The following ARL13B variants were observed in gnomAD, a reference collection of about 807,000 sequenced individuals.
The protein encoded by ARL13B is ADP-ribosylation factor-like protein 13B.
In ARL13B, 36 loss-of-function variants were observed where a neutral mutation model predicts 56.1. The observed-to-expected ratio is 0.64, with a 90% CI of 0.49 to 0.85. The LOEUF is 0.85. Ranked by LOEUF, ARL13B falls within the 40% of genes least tolerant of loss-of-function variation. ARL13B has a pLI of 0.00. For missense variants in ARL13B, 519 were observed against 507.1 expected, an observed-to-expected ratio of 1.02 and a Z score of -0.23; for synonymous variants, 178 against 171.1, an observed-to-expected ratio of 1.04 and a Z score of -0.32.
Position 93,995,855 on chromosome 3 carries a change from A to C in ARL13B, c.60-19A>C, listed in dbSNP as rs1339124703. On this transcript the variant is annotated intron_variant, in intron 1 of 9. Transcript: ENST00000394222. The stretch of plus-strand genomic sequence containing the variant: ...TAAATTAACAAAGAAAGTGATTTTT[A>C]AATTTCTATTATTTTAAGAAAGGTG... The C allele has an allele frequency of 1.3e-6, 2 of 1,593,228 alleles. No homozygotes were observed. The highest frequency in any genetic ancestry group is 1.7e-6 in the Non-Finnish European group (2 of 1,166,942).
At chr3:94,019,138 A>G (rs1005254395) in intron 3 of ARL13B, among the ~76,000 whole-genome samples, 5 of 151,834 alleles carry the variant, frequency 3.3e-5, no homozygotes, top group Non-Finnish European at 7.4e-5. Flanking sequence ...ATCTCTTTCA[A>G]AATGTATTTG....
chr3:94,015,013 C>T, intron 3 of ARL13B: 1 of 1,614,036 alleles, frequency 6.2e-7, no homozygotes, highest in South Asian at 1.1e-5. Flanking sequence ...CTTAAGTAGA[C>T]TAAACCTTCT....
At chr3:94,019,842 G>T (rs1285076974) in intron 3 of ARL13B, among the ~76,000 whole-genome samples, 1 of 152,262 alleles carries the variant, frequency 6.6e-6, no homozygotes, top group African/African-American at 2.4e-5. Flanking sequence ...TGGCTTTAGG[G>T]CCTTGGCACT....
chr3:94,045,447 T>TAAAA (rs1047984463), intron 7 of ARL13B, among the ~76,000 whole-genome samples: 4 of 73,566 alleles, frequency 5.4e-5, no homozygotes, highest in Non-Finnish European at 1.2e-4. Flanking sequence ...CAATAAATAC[T>TAAAA]AAAAAAAAAA....
At chr3:93,984,582 T>C (rs1710361306) in intron 1 of ARL13B, among the ~76,000 whole-genome samples, 1 of 152,116 alleles carries the variant, frequency 6.6e-6, no homozygotes, top group South Asian at 2.1e-4. Context: ...CGTGTAACTT[T>C]CATTAAAAAC....
At chr3:94,035,561 A>G (rs995535087) in intron 4 of ARL13B, 125 bp downstream of exon 4, 2 of 640,184 alleles carry the variant, frequency 3.1e-6, no homozygotes, top group Admixed American at 3.0e-5. Flanking sequence ...TTTGTAACCT[A>G]TGAAATCACA....
chr3:93,982,051 C>T (rs2107310381), intron 1 of ARL13B, among the ~76,000 whole-genome samples: 1 of 152,170 alleles, frequency 6.6e-6, no homozygotes, highest in East Asian at 1.9e-4. Flanking sequence ...TATTTGGTTT[C>T]TGTGAAGGCA....
chr3:94,022,131 TA>T (rs1362818589), intron 3 of ARL13B, among the ~76,000 whole-genome samples: 1 of 152,130 alleles, frequency 6.6e-6, no homozygotes, highest in African/African-American at 2.4e-5. Context: ...TATTTTATTT[TA>T]TTTTTTTTGA....
At chr3:94,023,041 T>C (rs1034167636) in intron 3 of ARL13B, among the ~76,000 whole-genome samples, 1 of 152,020 alleles carries the variant, frequency 6.6e-6, no homozygotes, top group African/African-American at 2.4e-5. Flanking sequence ...TAGAATTTTC[T>C]TCCTCTTTTA....
chr3:93,995,095 C>T (rs767247609), intron 1 of ARL13B, among the ~76,000 whole-genome samples: 2 of 152,076 alleles, frequency 1.3e-5, no homozygotes, highest in Non-Finnish European at 2.9e-5. Context: ...CAGAGTTCAA[C>T]CTAGAAAAGA....
At chr3:94,018,156 C>T (rs1163485621) in intron 3 of ARL13B, among the ~76,000 whole-genome samples, 2 of 152,018 alleles carry the variant, frequency 1.3e-5, no homozygotes, top group Non-Finnish European at 2.9e-5. Context: ...CCTTGTCCTC[C>T]CAGAGTGCTA....
chr3:94,002,626 G>A (rs2076072784), intron 2 of ARL13B, among the ~76,000 whole-genome samples: 1 of 152,052 alleles, frequency 6.6e-6, no homozygotes, highest in Admixed American at 6.6e-5. Flanking sequence ...TCTTTCATGA[G>A]TTCTCTTTTC....
chr3:94,018,296 A>G (rs2106974323), intron 3 of ARL13B, among the ~76,000 whole-genome samples: 1 of 152,262 alleles, frequency 6.6e-6, no homozygotes, highest in African/African-American at 2.4e-5. Context: ...TTAATGATAG[A>G]GATGGAGTAA....
intron 3 of ARL13B, among the ~76,000 whole-genome samples, chr3:94,020,434 CTT>C (rs771471793): frequency 6.6e-6 from 1 of 152,072 alleles, no homozygotes; most frequent in African/African-American, 2.4e-5. Context: ...GGACTCAACT[CTT>C]TATACGACAG....
At chr3:94,050,166 G>GGA (rs1353919359) in intron 8 of ARL13B, among the ~76,000 whole-genome samples, 14 of 90,386 alleles carry the variant, frequency 1.5e-4, no homozygotes, top group African/African-American at 5.5e-4. Flanking sequence ...TCCATCTCGG[G>GGA]AAAAAAAAAA....
chr3:93,992,771 T>C (rs1461910226), intron 1 of ARL13B, among the ~76,000 whole-genome samples: 2 of 152,138 alleles, frequency 1.3e-5, no homozygotes, highest in Admixed American at 6.6e-5. Context: ...TTGAATTATC[T>C]AAAATATTTA....
intron 1 of ARL13B, chr3:93,988,859 G>T: frequency 2.6e-6 from 1 of 382,240 alleles, no homozygotes; most frequent in South Asian, 2.2e-5. Flanking sequence ...ACTTTTGCAG[G>T]AGCAGGTTTA....
At chr3:94,021,637 C>T (rs189924682) in intron 3 of ARL13B, among the ~76,000 whole-genome samples, 114 of 152,262 alleles carry the variant, frequency 7.5e-4, no homozygotes, top group African/African-American at 2.6e-3. Context: ...TTATATACAT[C>T]TGATAAGAAC....
chr3:94,008,735 T>G (rs985901560), intron 3 of ARL13B, among the ~76,000 whole-genome samples: 15 of 152,152 alleles, frequency 9.9e-5, no homozygotes, highest in Non-Finnish European at 1.8e-4. Flanking sequence ...CTCCTAATGC[T>G]TTTAACCAAA....
Sources: gnomAD v4.1 joint callset for allele counts (sites outside exome capture counted in the v4.1 genomes callset) on GRCh38, gnomAD v4.1.1 for gene constraint, MANE v1.5 for transcripts, NCBI Gene and HGNC (gene_info 2026-07-23, HGNC 2026-07-21) for gene names.